Variants in FBN1 observed in about 807,000 individuals in gnomAD.
FBN1 encodes the protein fibrillin 1.
In FBN1, 29 loss-of-function variants were observed where a neutral mutation model predicts 365.1. The observed-to-expected ratio is 0.08, with a 90% CI of 0.06 to 0.11. The LOEUF is 0.11. FBN1 is among the 10% of genes least tolerant of loss of function. The pLI is 1.00. For missense variants in FBN1, 2,476 were observed against 3,703.2 expected (o/e 0.67, Z 8.60); for synonymous variants, 1,210 against 1,270.5 (o/e 0.95, Z 1.01).
intron 32 of FBN1, 140 bp from the exon 33 acceptor site, chr15:48,474,790 T>C (rs1401068458): frequency 3.3e-6 from 3 of 903,474 alleles, no homozygotes; most frequent in Non-Finnish European, 5.2e-6. Context: ...ATATATAAAC[T>C]CTACATATAT....
chr15:48,564,087 G>A (rs2044243027), intron 6 of FBN1, among the ~76,000 whole-genome samples: 1 of 152,182 alleles, frequency 6.6e-6, no homozygotes, highest in South Asian at 2.1e-4. Flanking sequence ...CCAGTGGGTG[G>A]TCTGGAAGTT....
intron 17 of FBN1, among the ~76,000 whole-genome samples, chr15:48,502,993 C>T (rs1468522602): frequency 3.3e-5 from 5 of 152,020 alleles, no homozygotes; most frequent in Non-Finnish European, 7.4e-5. Context: ...CAGGTTAAAT[C>T]AAATCATTAA....
At chr15:48,503,318 G>A (rs1269384631) in intron 17 of FBN1, among the ~76,000 whole-genome samples, 3 of 141,176 alleles carry the variant, frequency 2.1e-5, no homozygotes, top group Admixed American at 7.0e-5. Flanking sequence ...AAAAAAAGAA[G>A]AAGAAGAAGA....
intron 49 of FBN1, 110 bp downstream of exon 49, chr15:48,444,431 G>A (rs2043138248): frequency 7.7e-7 from 1 of 1,304,732 alleles, no homozygotes; most frequent in Admixed American, 1.7e-5. Context: ...CCTTGCATTT[G>A]TTTCTGATAA....
intron 2 of FBN1, among the ~76,000 whole-genome samples, chr15:48,614,195 C>T (rs923563208): frequency 6.6e-6 from 1 of 152,164 alleles, no homozygotes; most frequent in African/African-American, 2.4e-5. Flanking sequence ...TCCTGAGGGC[C>T]TAAGCATTGA....
chr15:48,468,608 C>T lies in FBN1; in HGVS notation c.4460-74G>A, dbSNP rs188752564. On this transcript the variant is annotated intron_variant, in intron 36 of 65. Transcript: ENST00000316623. ...CAGACATCACCATAAAAGAACAGGG[C>T]CCAATCTAGAGCTCCAAACAAGAAT... The T allele has an allele frequency of 2.7e-3, 4,132 of 1,525,134 alleles. 8 individuals carry two copies. Among genetic ancestry groups the T allele is most frequent in the Non-Finnish European group, 3.1e-3 (3,385 of 1,103,430 alleles). 94.5% of individuals were successfully genotyped at this position (1,525,134 alleles called of 1,614,324 possible). A position where few individuals can be genotyped will look rare whatever the true frequency, so the allele number is the denominator to read the frequency against.
At chr15:48,550,086 G>GC (rs2141372177) in intron 6 of FBN1, among the ~76,000 whole-genome samples, 1 of 152,344 alleles carries the variant, frequency 6.6e-6, no homozygotes, top group South Asian at 2.1e-4. Context: ...AAGTGAGGAG[G>GC]CCTGCACGCC....
At chr15:48,585,601 A>G (rs1362826624) in intron 6 of FBN1, among the ~76,000 whole-genome samples, 1 of 152,246 alleles carries the variant, frequency 6.6e-6, no homozygotes, top group African/African-American at 2.4e-5. Context: ...AAATTATGTA[A>G]ATCAACAAAT....
chr15:48,427,578 G>C lies in FBN1; in HGVS notation c.7193C>G (p.Thr2398Ser), dbSNP rs1169351376. 2.5e-6 allele frequency: 4 copies of C among 1,613,908 alleles called. No individual in the cohort carries two copies. The highest frequency in any genetic ancestry group is 2.5e-6 in the Non-Finnish European group (3 of 1,179,910). Reference protein sequence around the residue: ...KLCPHGRGFMTNGADIDECKV... With the variant: ...KLCPHGRGFMSNGADIDECKV... ...TATAAATGAAGTACCTGCTCCATTG[G>C]TCATGAATCCTCGGCCATGGGGACA... The change falls in exon 58 of 66, where the codon ACC (threonine) becomes AGC (serine). Residue 2398 changes from threonine to serine, a missense_variant. Transcript: ENST00000316623.
rs1057521048 is a variant in FBN1 at position 48,452,702 on chromosome 15, C to A, written c.5423-18G>T. The A allele has an allele frequency of 2.5e-6, 4 of 1,613,632 alleles. No homozygotes were observed. The highest frequency in any genetic ancestry group is 8.5e-7 in the Non-Finnish European group (1 of 1,179,942). ...GTCAATATCTACGAGCAGAAGAGAACTGAATTTGAAGGAGAACAGAATCTG... is the reference window on the plus strand; with the variant it reads ...GTCAATATCTACGAGCAGAAGAGAAATGAATTTGAAGGAGAACAGAATCTG... On this transcript the variant is annotated intron_variant, in intron 44 of 65. Transcript: ENST00000316623.
intron 62 of FBN1, among the ~76,000 whole-genome samples, chr15:48,421,047 A>G (rs1156342900): frequency 2.6e-5 from 4 of 152,108 alleles, no homozygotes; most frequent in East Asian, 1.9e-4. Context: ...ACTCTCTGGG[A>G]CAGCTCTGTA....
At chr15:48,491,479 T>C (rs2043557982) in intron 24 of FBN1, among the ~76,000 whole-genome samples, 1 of 151,792 alleles carries the variant, frequency 6.6e-6, no homozygotes. Flanking sequence ...GCCTCCCGAG[T>C]AGCTGGGATT....
At chr15:48,496,327 A>C (rs891438097) in intron 19 of FBN1, 102 bp from the exon 20 acceptor site, 4 of 1,487,428 alleles carry the variant, frequency 2.7e-6, no homozygotes, top group Admixed American at 3.5e-5. Flanking sequence ...CGACGTGATC[A>C]ATTCAAGCAA....
intron 6 of FBN1, among the ~76,000 whole-genome samples, chr15:48,570,084 C>T (rs967011935): frequency 2.0e-5 from 3 of 152,096 alleles, no homozygotes; most frequent in African/African-American, 7.2e-5. Flanking sequence ...AGATATTCTA[C>T]TTCTATCTCA....
chr15:48,644,093 C>A lies in FBN1; in HGVS notation c.164+513G>T, dbSNP rs115452867. On this transcript the variant is annotated intron_variant, in intron 2 of 65. Transcript: ENST00000316623. ...TTCCAATGTAGACATCTAAAGGAAG[C>A]ATTGCCCAGAAAACCCAATCCGTAA... 3 of 161,832 alleles carry A rather than the reference C, an allele frequency of 1.9e-5. No homozygotes were observed. In the East Asian group the frequency reaches 5.2e-4, roughly 28 times the overall value. 10.0% of individuals were successfully genotyped at this position (161,832 alleles called of 1,614,324 possible).
chr15:48,494,168 C>A (rs758107819), intron 23 of FBN1, 36 bp downstream of exon 23: 1 of 1,539,858 alleles, frequency 6.5e-7, no homozygotes, highest in Non-Finnish European at 9.0e-7. Context: ...TCATTATGCA[C>A]ACAAAAATGT....
chr15:48,588,966 C>T (rs1389484097), intron 6 of FBN1, among the ~76,000 whole-genome samples: 1 of 152,178 alleles, frequency 6.6e-6, no homozygotes, highest in African/African-American at 2.4e-5. Context: ...ACAATGGTTC[C>T]AATGAGCATT....
chr15:48,624,552 C>T (rs1885376061), intron 2 of FBN1, among the ~76,000 whole-genome samples: 1 of 152,208 alleles, frequency 6.6e-6, no homozygotes, highest in Non-Finnish European at 1.5e-5. Context: ...TGCTTCCAAA[C>T]AGAAAATCCA....
At chr15:48,492,128 G>C (rs1340581516) in intron 24 of FBN1, among the ~76,000 whole-genome samples, 1 of 152,140 alleles carries the variant, frequency 6.6e-6, no homozygotes, top group Non-Finnish European at 1.5e-5. Flanking sequence ...AGAAGACATG[G>C]GCTACAGTTT....
Sources: allele counts gnomAD v4.1 joint callset (sites outside exome capture counted in the v4.1 genomes callset), GRCh38; gene constraint gnomAD v4.1.1; transcripts MANE v1.5; gene names NCBI Gene and HGNC (gene_info 2026-07-23, HGNC 2026-07-21).